The following RSPH14 variants were observed in gnomAD, a reference collection of about 807,000 sequenced individuals.
RSPH14 encodes radial spoke head 14 homolog.
RSPH14 carries 20 observed loss-of-function variants against 26.7 expected under a neutral mutation model. The observed-to-expected ratio is 0.75, with a 90% CI of 0.53 to 1.09. The LOEUF is 1.09. RSPH14 is among the 50% of genes least tolerant of loss of function. The pLI, the probability that RSPH14 is intolerant of heterozygous loss-of-function variation, is 0.00. For missense variants in RSPH14, 449 were observed against 457.2 expected (o/e 0.98, Z 0.16); for synonymous variants, 177 against 189.3 (o/e 0.93, Z 0.53).
intron 3 of RSPH14, among the ~76,000 whole-genome samples, chr22:23,137,165 C>G (rs2070497370): frequency 7.2e-6 from 1 of 138,786 alleles, no homozygotes; most frequent in South Asian, 2.3e-4. Context: ...TTATGAGATG[C>G]CCTGCAGCCT....
At chr22:23,085,339 C>G (rs1361161275) in intron 4 of RSPH14, among the ~76,000 whole-genome samples, 1 of 152,218 alleles carries the variant, frequency 6.6e-6, no homozygotes, top group Non-Finnish European at 1.5e-5. Context: ...ACAGACTCAG[C>G]TTGTTCCCCA....
the RSPH14 span, chr22:23,161,683 A>G: frequency 0.49 from 425,623 of 868,854 alleles, 105,981 homozygotes; most frequent in East Asian, 0.63. Context: ...CTGTAGGCCC[A>G]TGTTCCAGTC....
chr22:23,158,846 G>C, the RSPH14 span: 1 of 1,545,952 alleles, frequency 6.5e-7, no homozygotes, highest in Admixed American at 1.7e-5. Flanking sequence ...TCTGCCCCCT[G>C]TTTGGGGTGG....
At chr22:23,127,990 G>A (rs770033313) in intron 4 of RSPH14, among the ~76,000 whole-genome samples, 4 of 152,080 alleles carry the variant, frequency 2.6e-5, no homozygotes, top group Admixed American at 6.5e-5. Context: ...GGCTGCACAC[G>A]TGTGGAGTCA....
chr22:23,063,321 G>C (rs1446127014), intron 5 of RSPH14, among the ~76,000 whole-genome samples: 2 of 152,218 alleles, frequency 1.3e-5, no homozygotes, highest in Non-Finnish European at 2.9e-5. Flanking sequence ...CATAGCCACA[G>C]CTAAGGCAGA....
At chr22:23,124,445 A>G (rs1435517129) in intron 4 of RSPH14, 1 of 468,666 alleles carries the variant, frequency 2.1e-6, no homozygotes, top group Non-Finnish European at 4.4e-6. Context: ...GCCTCGCGGG[A>G]CACGTGTTGT....
chr22:23,106,951 C>G (rs757981866), intron 4 of RSPH14, among the ~76,000 whole-genome samples: 21 of 152,216 alleles, frequency 1.4e-4, no homozygotes, highest in Non-Finnish European at 2.9e-4. Context: ...ACAGGGAAAC[C>G]AGGGAGGGCA....
chr22:23,070,173 C>T (rs2068307823), intron 4 of RSPH14, among the ~76,000 whole-genome samples: 1 of 151,958 alleles, frequency 6.6e-6, no homozygotes, highest in African/African-American at 2.4e-5. Context: ...GCCCGTCCGT[C>T]AGCTGCCTGT....
chr22:23,173,893 A>G, the RSPH14 span, among the ~76,000 whole-genome samples: 3 of 151,948 alleles, frequency 2.0e-5, no homozygotes, highest in African/African-American at 7.2e-5. Context: ...TATTTTTAGT[A>G]GAGACAGGGT....
chr22:23,098,111 C>A (rs1377115140), intron 4 of RSPH14, among the ~76,000 whole-genome samples: 2 of 152,262 alleles, frequency 1.3e-5, no homozygotes, highest in Non-Finnish European at 2.9e-5. Context: ...CCTTTGCCTG[C>A]CTGCAGCCCT....
chr22:23,134,331 G>A (rs890746810), intron 3 of RSPH14, among the ~76,000 whole-genome samples, 187 bp from the exon 4 acceptor site: 23 of 152,034 alleles, frequency 1.5e-4, no homozygotes, highest in African/African-American at 3.6e-4. Context: ...CCAGGGGAGC[G>A]AGCTCAGCAG....
At chr22:23,130,476 GAGAA>G (rs1181544065) in intron 4 of RSPH14, among the ~76,000 whole-genome samples, 2 of 7,872 alleles carry the variant, frequency 2.5e-4, no homozygotes, top group African/African-American at 2.3e-3. Context: ...AAAAAGAAAA[GAGAA>G]AGAAAGAAGG....
chr22:23,130,510 A>AAGAAAGAAAGAAAGAAAGAAAGAAAGAG, intron 4 of RSPH14, among the ~76,000 whole-genome samples: 1 of 151,070 alleles, frequency 6.6e-6, no homozygotes, highest in Middle Eastern at 3.4e-3. Context: ...GAAAGAAAGA[A>AAGAAAGAAAGAAAGAAAGAAAGAAAGAG]AGAAAGAAAG....
At chr22:23,106,834 G>T (rs1294323634) in intron 4 of RSPH14, among the ~76,000 whole-genome samples, 4 of 152,244 alleles carry the variant, frequency 2.6e-5, no homozygotes, top group Non-Finnish European at 4.4e-5. Context: ...CAAAGTGGGG[G>T]CCTTCTGACC....
At chr22:23,097,850 A>G (rs114243871) in intron 4 of RSPH14, among the ~76,000 whole-genome samples, 4,081 of 152,304 alleles carry the variant, frequency 0.027, 182 homozygotes, top group African/African-American at 0.094. Context: ...TGCCAGTCAC[A>G]CGGGCTTGCG....
chr22:23,091,279 C>G (rs527799620), intron 4 of RSPH14, among the ~76,000 whole-genome samples: 1 of 152,236 alleles, frequency 6.6e-6, no homozygotes, highest in Non-Finnish European at 1.5e-5. Flanking sequence ...TGCACCTGCA[C>G]TCTCACAGAC....
chr22:23,081,573 G>T (rs1373615321), intron 4 of RSPH14, among the ~76,000 whole-genome samples: 1 of 140,138 alleles, frequency 7.1e-6, no homozygotes, highest in Non-Finnish European at 1.5e-5. Context: ...TGTAATCCCA[G>T]CACTTTGGGA....
chr22:23,089,708 G>T (rs1654609969), intron 4 of RSPH14, among the ~76,000 whole-genome samples: 1 of 152,184 alleles, frequency 6.6e-6, no homozygotes. Context: ...GTCTTGAGGG[G>T]GATGTCCATG....
At chr22:23,164,846 C>T in the RSPH14 span, among the ~76,000 whole-genome samples, 5 of 152,142 alleles carry the variant, frequency 3.3e-5, no homozygotes, top group Non-Finnish European at 5.9e-5. Flanking sequence ...CTCCCCAGGG[C>T]TAGGTCCCAG....
Sources: allele counts gnomAD v4.1 joint callset (sites outside exome capture counted in the v4.1 genomes callset), GRCh38; gene constraint gnomAD v4.1.1; transcripts MANE v1.5; gene names NCBI Gene and HGNC (gene_info 2026-07-23, HGNC 2026-07-21).